The following ARHGAP15 variants were observed in gnomAD, a reference collection of about 807,000 sequenced individuals.
The protein encoded by ARHGAP15 is rho GTPase-activating protein 15.
A neutral mutation model predicts 63.7 loss-of-function variants in ARHGAP15; 51 were observed. That is an observed-to-expected ratio of 0.80 (90% CI 0.64 to 1.01). ARHGAP15 has a LOEUF of 1.01. ARHGAP15 is among the 50% of genes least tolerant of loss of function. The probability of loss-of-function intolerance (pLI) is 0.00; values close to 1 mark genes in which losing one functional copy is unlikely to be tolerated. For missense variants in ARHGAP15, 560 were observed against 564.6 expected (o/e 0.99, Z 0.08); for synonymous variants, 191 against 193.8 (o/e 0.99, Z 0.12).
chr2:143,293,934 T>A (rs1682518484), intron 6 of ARHGAP15, among the ~76,000 whole-genome samples: 1 of 152,022 alleles, frequency 6.6e-6, no homozygotes, highest in Middle Eastern at 3.2e-3. Flanking sequence ...AAATCAAGGA[T>A]AAATATTTGA....
At chr2:143,204,503 A>G (rs961156494) in intron 3 of ARHGAP15, among the ~76,000 whole-genome samples, 7 of 152,096 alleles carry the variant, frequency 4.6e-5, no homozygotes, top group African/African-American at 1.4e-4. Context: ...TTAAAAAGGC[A>G]TTAATCCTAT....
At chr2:143,294,155 A>G (rs1682530625) in intron 6 of ARHGAP15, among the ~76,000 whole-genome samples, 1 of 152,052 alleles carries the variant, frequency 6.6e-6, no homozygotes, top group African/African-American at 2.4e-5. Flanking sequence ...TTATTCTTAC[A>G]TACTCTGGAA....
At chr2:143,519,152 A>C in intron 9 of ARHGAP15, 114 bp from the exon 10 acceptor site, 1 of 760,208 alleles carries the variant, frequency 1.3e-6, no homozygotes, top group Non-Finnish European at 2.2e-6. Context: ...AAAGCAAAAA[A>C]AAAATCTTAT....
chr2:143,701,373 T>C (rs1489114079), intron 12 of ARHGAP15, among the ~76,000 whole-genome samples: 1 of 152,220 alleles, frequency 6.6e-6, no homozygotes, highest in Non-Finnish European at 1.5e-5. Context: ...AAGAACTGTA[T>C]TTGGCCTTAG....
At chr2:143,525,393 T>C (rs1694226883) in intron 10 of ARHGAP15, among the ~76,000 whole-genome samples, 1 of 151,692 alleles carries the variant, frequency 6.6e-6, no homozygotes, top group Admixed American at 6.6e-5. Flanking sequence ...ATAAGCACTT[T>C]TTCTTTTTCC....
intron 13 of ARHGAP15, among the ~76,000 whole-genome samples, chr2:143,750,454 A>G (rs946856399): frequency 6.6e-6 from 1 of 152,186 alleles, no homozygotes; most frequent in Non-Finnish European, 1.5e-5. Context: ...GAAAAAAAAA[A>G]TGTTTCTCTA....
intron 6 of ARHGAP15, among the ~76,000 whole-genome samples, chr2:143,293,112 T>C (rs1682482212): frequency 6.6e-6 from 1 of 152,086 alleles, no homozygotes; most frequent in Admixed American, 6.6e-5. Context: ...CTAAAGTCTT[T>C]TGTTACAGTC....
chr2:143,609,112 T>C (rs1247332350), intron 11 of ARHGAP15, among the ~76,000 whole-genome samples: 1 of 152,238 alleles, frequency 6.6e-6, no homozygotes, highest in Non-Finnish European at 1.5e-5. Context: ...TTGTGTATCT[T>C]TACATGTGTA....
intron 6 of ARHGAP15, among the ~76,000 whole-genome samples, chr2:143,304,473 A>AG (rs910592405): frequency 6.6e-6 from 1 of 151,988 alleles, no homozygotes; most frequent in Non-Finnish European, 1.5e-5. Context: ...GGAAGAGGGG[A>AG]GGGATAGCAT....
At chr2:143,738,521 G>A (rs558206412) in intron 13 of ARHGAP15, among the ~76,000 whole-genome samples, 12 of 152,090 alleles carry the variant, frequency 7.9e-5, no homozygotes, top group African/African-American at 2.7e-4. Context: ...AACAACTTCC[G>A]GGCCTCTCTT....
intron 3 of ARHGAP15, among the ~76,000 whole-genome samples, chr2:143,214,545 A>G (rs1692676963): frequency 6.6e-6 from 1 of 152,208 alleles, no homozygotes; most frequent in Non-Finnish European, 1.5e-5. Context: ...GTATCCAAAT[A>G]CAAAACAAAA....
At chr2:143,670,707 A>G (rs1682476706) in intron 12 of ARHGAP15, among the ~76,000 whole-genome samples, 2 of 152,304 alleles carry the variant, frequency 1.3e-5, no homozygotes, top group Middle Eastern at 6.8e-3. Context: ...ATTGTCTCTT[A>G]TTCCATCATC....
intron 6 of ARHGAP15, among the ~76,000 whole-genome samples, chr2:143,389,500 T>G (rs1420488958): frequency 6.6e-6 from 1 of 152,168 alleles, no homozygotes; most frequent in Non-Finnish European, 1.5e-5. Context: ...CCCGGCAGGT[T>G]CAGAAGTTTG....
At chr2:143,552,970 G>A (rs1695636735) in intron 10 of ARHGAP15, among the ~76,000 whole-genome samples, 1 of 152,152 alleles carries the variant, frequency 6.6e-6, no homozygotes, top group African/African-American at 2.4e-5. Flanking sequence ...AAAATAAGTA[G>A]TTTGCAATCC....
At position 143,487,393 on chromosome 2, in the gene ARHGAP15, G is replaced by A. The variant is rs371613680; in HGVS notation, c.724G>A (p.Ala242Thr). 7 of 1,613,378 alleles carry A rather than the reference G, an allele frequency of 4.3e-6. No homozygotes were observed. The African/African-American group carries it at 9.4e-5, about 22-fold the overall frequency. Residue 242 changes from alanine (A) to threonine (T), a missense_variant, in exon 9 of 14, where the codon GCT becomes ACT. By Grantham distance (58) the Ala-to-Thr change is moderately conservative (BLOSUM62 0). Transcript: ENST00000295095. ...TTCAGTGTTCAGACTGCATCACAGT[G>A]CTTCCGATACAAGCGACAAAAATCG... is the stretch of plus-strand genomic sequence containing the variant. Reference protein sequence around the residue: ...KSLMFRLHHSASDTSDKNRVK... With the variant: ...KSLMFRLHHSTSDTSDKNRVK...
chr2:143,350,863 GAAATT>G (rs1301616438), intron 6 of ARHGAP15: 5 of 103,854 alleles, frequency 4.8e-5, no homozygotes, highest in Non-Finnish European at 1.0e-4. Flanking sequence ...AAAAAAAAAA[GAAATT>G]ATATATTTTG....
chr2:143,408,371 T>A (rs1688303281), intron 6 of ARHGAP15, among the ~76,000 whole-genome samples: 1 of 151,532 alleles, frequency 6.6e-6, no homozygotes, highest in African/African-American at 2.4e-5. Flanking sequence ...TCTGGACTTC[T>A]TTTCCTTCCT....
At chr2:143,220,195 C>T (rs187657146) in intron 4 of ARHGAP15, among the ~76,000 whole-genome samples, 4 of 152,018 alleles carry the variant, frequency 2.6e-5, no homozygotes, top group South Asian at 4.2e-4. Flanking sequence ...TGCAATATTT[C>T]TCCTGTTGCT....
chr2:143,155,686 C>G (rs773415315), intron 2 of ARHGAP15, 31 bp downstream of exon 2: 1 of 1,510,866 alleles, frequency 6.6e-7, no homozygotes, highest in Non-Finnish European at 8.8e-7. Flanking sequence ...ATCCCAAGTT[C>G]CTTGTCATAC....
Sources: allele counts gnomAD v4.1 joint callset (sites outside exome capture counted in the v4.1 genomes callset), GRCh38; gene constraint gnomAD v4.1.1; transcripts MANE v1.5; gene names NCBI Gene and HGNC (gene_info 2026-07-23, HGNC 2026-07-21).